Variants in TCAIM observed in about 807,000 individuals in gnomAD.
TCAIM encodes the protein T-cell activation inhibitor, mitochondrial.
In TCAIM, 36 loss-of-function variants were observed where a neutral mutation model predicts 58.6. The ratio of observed to expected loss-of-function variants is 0.61; its 90% CI spans 0.47 to 0.81. The LOEUF (loss-of-function observed/expected upper bound fraction) is 0.81. Among genes scored for constraint, TCAIM ranks in the 30% least tolerant of loss-of-function variants. The probability of loss-of-function intolerance (pLI) is 0.00; values close to 1 mark genes in which losing one functional copy is unlikely to be tolerated. For missense variants in TCAIM, 466 were observed against 579.6 expected, an observed-to-expected ratio of 0.80 and a Z score of 2.01; for synonymous variants, 172 against 193.6, an observed-to-expected ratio of 0.89 and a Z score of 0.93.
rs111700171 is a variant in TCAIM, at chr3:44,393,055, A to G, written c.695+78A>G. On this transcript the variant is annotated intron_variant, in intron 6 of 10. Transcript: ENST00000342649. ...AACTGATAAGCTTTTCAGCAGCTAA[A>G]TATTTGCATCTTTAATTGCTCTGAT... 1.3e-5 allele frequency: 17 copies of G among 1,291,908 alleles called. No homozygotes were observed. The African/African-American group carries it at 1.9e-4, about 15-fold the overall frequency. 80.0% of individuals were successfully genotyped at this position (1,291,908 alleles called of 1,614,324 possible).
chr3:44,402,369 C>T (rs929168141), intron 10 of TCAIM, among the ~76,000 whole-genome samples: 5 of 152,140 alleles, frequency 3.3e-5, no homozygotes, highest in African/African-American at 1.2e-4. Context: ...GTGATCACAC[C>T]TCTGTACTCC....
chr3:44,400,941 T>C (rs895548622), intron 9 of TCAIM: 2 of 496,924 alleles, frequency 4.0e-6, no homozygotes, highest in African/African-American at 3.9e-5. Flanking sequence ...ATTCTGTCTT[T>C]AGCTCTCACA....
chr3:44,356,396 G>A (rs1468578905), intron 2 of TCAIM, among the ~76,000 whole-genome samples: 1 of 152,012 alleles, frequency 6.6e-6, no homozygotes, highest in South Asian at 2.1e-4. Flanking sequence ...GCACGGTGGC[G>A]TGCACCTGTA....
Position 44,392,977 on chromosome 3 carries a change from G to A in TCAIM, c.695G>A (p.Arg232Lys). The change falls in exon 6 of 11, where the codon AGG becomes AAG. Residue 232 changes from arginine (R) to lysine (K), a missense_variant and splice_region_variant. Arg to Lys is a conservative substitution (Grantham distance 26). Transcript: ENST00000342649. ...LSHQLQLSDI[R>K]WQRSWGIAHR... ...CATCAATTGCAACTCTCAGATATCA[G>A]GTAAGAAAGAAGAGAGAACCTAATT... The A allele has an allele frequency of 6.2e-7, 1 of 1,605,158 alleles. No individual in the cohort carries two copies.
chr3:44,369,804 A>G (rs1162050271), intron 5 of TCAIM, among the ~76,000 whole-genome samples: 2 of 152,234 alleles, frequency 1.3e-5, no homozygotes, highest in East Asian at 3.9e-4. Context: ...CATAGAATCC[A>G]TCCAGTATTT....
chr3:44,392,525 G>T (rs894180102), intron 5 of TCAIM, among the ~76,000 whole-genome samples: 1 of 152,106 alleles, frequency 6.6e-6, no homozygotes, highest in African/African-American at 2.4e-5. Flanking sequence ...CCCTCTTTGT[G>T]TCCATGTGGT....
intron 1 of TCAIM, among the ~76,000 whole-genome samples, chr3:44,347,369 G>A (rs1559558640): frequency 1.3e-5 from 2 of 152,154 alleles, no homozygotes; most frequent in African/African-American, 4.8e-5. Context: ...GGGCTTGACC[G>A]AAGTAATGGG....
At chr3:44,393,529 ATTTTTGGCGTAATAAAC>A (rs1311229883) in intron 6 of TCAIM, among the ~76,000 whole-genome samples, 5 of 152,162 alleles carry the variant, frequency 3.3e-5, no homozygotes, top group South Asian at 2.1e-4. Flanking sequence ...AAGTACTGAC[ATTTTTGGCGTAATAAAC>A]TTTTTTACAT....
Position 44,408,880 on chromosome 3 carries a change from T to C in TCAIM, c.*1198T>C, listed in dbSNP as rs894546672. On this transcript the variant is annotated 3_prime_UTR_variant, in exon 11 of 11. Transcript: ENST00000342649. ...CCCAGCACAGCCGAGAGACCTGATC[T>C]CTGGATTCAGTGCTTTTAGCTCTTC... 6.6e-6 allele frequency: 1 copy of C among 152,156 alleles called. No individual in the cohort carries two copies. Among genetic ancestry groups the C allele is most frequent in the African/African-American group, 2.4e-5 (1 of 41,436 alleles). The allele number at this position is 152,156 out of a possible 1,614,324, so 9.4% of individuals were successfully genotyped here. A position where few individuals can be genotyped will look rare whatever the true frequency, so the allele number is the denominator to read the frequency against.
chr3:44,392,003 TG>T (rs1701846146), intron 5 of TCAIM, among the ~76,000 whole-genome samples: 1 of 152,216 alleles, frequency 6.6e-6, no homozygotes, highest in African/African-American at 2.4e-5. Context: ...CTCCCATATG[TG>T]TATGACTGAC....
chr3:44,354,634 AT>A (rs1474412863), intron 1 of TCAIM, 104 bp from the exon 2 acceptor site: 2 of 723,362 alleles, frequency 2.8e-6, no homozygotes, highest in African/African-American at 3.6e-5. Flanking sequence ...ATTTTATAAG[AT>A]TAATAACTAA....
chr3:44,374,940 C>T (rs1440889465), intron 5 of TCAIM, among the ~76,000 whole-genome samples: 2 of 152,004 alleles, frequency 1.3e-5, no homozygotes, highest in East Asian at 3.9e-4. Flanking sequence ...TTTTTCATCT[C>T]TTAAATCCAT....
At chr3:44,394,188 A>G (rs1471648594) in intron 6 of TCAIM, among the ~76,000 whole-genome samples, 1 of 152,222 alleles carries the variant, frequency 6.6e-6, no homozygotes, top group Non-Finnish European at 1.5e-5. Context: ...GAGTACAGAT[A>G]GTATTTACAT....
In TCAIM at chr3:44,408,616, A is replaced by G. The variant is rs894585560; in HGVS notation, c.*934A>G. The G allele has an allele frequency of 5.9e-5, 9 of 152,190 alleles. No homozygotes were observed. Among genetic ancestry groups the G allele is most frequent in the Admixed American group, 4.6e-4 (7 of 15,274 alleles). The allele number at this position is 152,190 out of a possible 1,614,324, so 9.4% of individuals were successfully genotyped here. On this transcript the variant is annotated 3_prime_UTR_variant, in exon 11 of 11. Transcript: ENST00000342649. ...TTTAGTGAGGTGATTCATTTGTTTC[A>G]TGGGCAAACACTATCCAGGAAAAGC...
At chr3:44,353,484 T>G (rs952243226) in intron 1 of TCAIM, among the ~76,000 whole-genome samples, 13 of 152,226 alleles carry the variant, frequency 8.5e-5, no homozygotes, top group Non-Finnish European at 1.5e-4. Context: ...ATGTTTAGTT[T>G]TGTAAGAAAT....
intron 4 of TCAIM, among the ~76,000 whole-genome samples, chr3:44,366,226 T>C (rs1470332709): frequency 1.3e-5 from 2 of 151,890 alleles, no homozygotes; most frequent in African/African-American, 4.8e-5. Context: ...GGATTTTTTA[T>C]TGATGACTTA....
chr3:44,380,926 C>T (rs1048171609), intron 5 of TCAIM, among the ~76,000 whole-genome samples: 19 of 152,086 alleles, frequency 1.2e-4, no homozygotes, highest in Admixed American at 1.0e-3. Flanking sequence ...TTTCTAGAAA[C>T]ACAAAATCTA....
At chr3:44,386,508 C>T (rs747929977) in intron 5 of TCAIM, among the ~76,000 whole-genome samples, 11 of 152,224 alleles carry the variant, frequency 7.2e-5, no homozygotes, top group Non-Finnish European at 1.6e-4. Flanking sequence ...GCTGCAGCTA[C>T]CCAGCCACCC....
chr3:44,358,199 C>T, intron 3 of TCAIM: 2 of 1,560,204 alleles, frequency 1.3e-6, no homozygotes, highest in South Asian at 1.2e-5. Context: ...CAATCTCTCT[C>T]TCTTTTTTTT....
Sources: gnomAD v4.1 joint callset for allele counts (sites outside exome capture counted in the v4.1 genomes callset) on GRCh38, gnomAD v4.1.1 for gene constraint, MANE v1.5 for transcripts, NCBI Gene and HGNC (gene_info 2026-07-23, HGNC 2026-07-21) for gene names.